The following CAND1 variants were observed in gnomAD, a reference collection of about 807,000 sequenced individuals.
CAND1 encodes cullin associated and neddylation dissociated 1, also known as cullin-associated NEDD8-dissociated protein 1.
A neutral mutation model predicts 108.5 loss-of-function variants in CAND1; 7 were observed. The observed-to-expected ratio is 0.06, with a 90% CI of 0.04 to 0.12. The LOEUF (loss-of-function observed/expected upper bound fraction) is 0.12. Among genes scored for constraint, CAND1 ranks in the 10% least tolerant of loss-of-function variants. CAND1 has a pLI of 1.00. For missense variants in CAND1, 941 were observed against 1,448.7 expected, an observed-to-expected ratio of 0.65 and a Z score of 5.69; for synonymous variants, 534 against 512.0, an observed-to-expected ratio of 1.04 and a Z score of -0.58.
chr12:67,269,931 C>T lies in CAND1; in HGVS notation c.68+146C>T, dbSNP rs569160616. 4.9e-6 allele frequency: 3 copies of T among 615,350 alleles called. No individual in the cohort carries two copies. In the East Asian group the frequency reaches 9.9e-5, roughly 20 times the overall value. The allele number at this position is 615,350 out of a possible 1,614,324, so 38.1% of individuals were successfully genotyped here. A position where few individuals can be genotyped will look rare whatever the true frequency, so the allele number is the denominator to read the frequency against. ...CCAGCCCACCGGTCCGCTGGCCTCC[C>T]GATCCCTGCGGAGCCCCTTTCCTCT... On this transcript the variant is annotated intron_variant, in intron 1 of 14. Transcript: ENST00000545606.
intron 4 of CAND1, among the ~76,000 whole-genome samples, chr12:67,295,620 G>C (rs575783800): frequency 3.3e-4 from 51 of 152,252 alleles, no homozygotes; most frequent in African/African-American, 1.2e-3. Flanking sequence ...GAAGTCAGAT[G>C]TTAGAACATA....
chr12:67,312,482 G>T, intron 14 of CAND1, 124 bp from the exon 15 acceptor site: 1 of 518,070 alleles, frequency 1.9e-6, no homozygotes, highest in Admixed American at 3.7e-5. Flanking sequence ...GTTGTTCTTA[G>T]AATGTAATAT....
intron 3 of CAND1, 87 bp from the exon 4 acceptor site, chr12:67,294,946 T>C: frequency 7.3e-7 from 1 of 1,378,538 alleles, no homozygotes; most frequent in Non-Finnish European, 9.9e-7. Flanking sequence ...AAGTGTGGAG[T>C]TGTTAAATAT....
rs1392295045 is a variant in CAND1 at position 67,312,591 on chromosome 12, T to C, written c.3469-15T>C. ...TCTTTTATAGCATGTAATCTAAGTT[T>C]ACTCCATCTTACAGGTAAAGGCAAA... On this transcript the variant is annotated splice_polypyrimidine_tract_variant and intron_variant, in intron 14 of 14. Coordinates refer to ENST00000545606, the MANE Select transcript of CAND1 (RefSeq NM_018448.5). The C allele has an allele frequency of 2.6e-6, 4 of 1,549,360 alleles. No individual in the cohort carries two copies. The highest frequency in any genetic ancestry group is 3.5e-6 in the Non-Finnish European group (4 of 1,139,428).
intron 1 of CAND1, among the ~76,000 whole-genome samples, chr12:67,280,093 TAGG>T (rs1278892976): frequency 2.0e-5 from 3 of 152,222 alleles, no homozygotes; most frequent in Admixed American, 6.5e-5. Flanking sequence ...GGCTTCCAAT[TAGG>T]AGAGCTGTGT....
chr12:67,283,785 G>A (rs2044642458), intron 2 of CAND1, among the ~76,000 whole-genome samples: 1 of 152,024 alleles, frequency 6.6e-6, no homozygotes, highest in Non-Finnish European at 1.5e-5. Flanking sequence ...GAGTTGGGAG[G>A]TACGTACTTC....
At chr12:67,287,688 C>T (rs1180643957) in intron 2 of CAND1, among the ~76,000 whole-genome samples, 2 of 151,756 alleles carry the variant, frequency 1.3e-5, no homozygotes, top group Admixed American at 6.6e-5. Context: ...TTAATTTTGT[C>T]TGTTGTCTGT....
At chr12:67,311,941 GAT>G in intron 14 of CAND1, 141 bp downstream of exon 14, 1 of 556,230 alleles carries the variant, frequency 1.8e-6, no homozygotes, top group Non-Finnish European at 3.3e-6. Flanking sequence ...ATCGAATACT[GAT>G]ATTTTATAAA....
At chr12:67,277,343 G>T (rs1297383885) in intron 1 of CAND1, among the ~76,000 whole-genome samples, 3 of 152,122 alleles carry the variant, frequency 2.0e-5, no homozygotes, top group Non-Finnish European at 4.4e-5. Flanking sequence ...CTCGTTTTAT[G>T]AGTGTTTCTT....
chr12:67,305,824 T>G lies in CAND1; in HGVS notation c.2156T>G (p.Leu719Trp). The G allele has an allele frequency of 1.2e-6, 2 of 1,614,208 alleles. No individual in the cohort carries two copies. Among genetic ancestry groups the G allele is most frequent in the Non-Finnish European group, 1.7e-6 (2 of 1,180,028 alleles). ...SQMAISFLTT[L>W]AKVYPSSLSK... ...ATGGCCATCAGTTTTCTTACCACTTTGGCAAAAGTATATCCCTCCTCCCTT... is the reference window on the plus strand; with the variant it reads ...ATGGCCATCAGTTTTCTTACCACTTGGGCAAAAGTATATCCCTCCTCCCTT... Residue 719 changes from leucine to tryptophan, a missense_variant, in exon 10 of 15, where the codon TTG becomes TGG. This residue lies in a region of CAND1 where 697 missense variants were observed against 942.0 expected (regional missense o/e 0.74). Transcript: ENST00000545606. The surrounding 1 kb of genome is among the most constrained non-coding windows in gnomAD (Gnocchi z 4.4).
Position 67,319,084 on chromosome 12 carries a change from C to T in CAND1, c.*6254C>T, listed in dbSNP as rs1189884339. On this transcript the variant is annotated 3_prime_UTR_variant, in exon 15 of 15. Transcript: ENST00000545606. ...CGTTCCCAGGTTCTAATGCTGTTCC[C>T]CAAGGCCACACCTTGGAAACCACCA... is the stretch of plus-strand genomic sequence containing the variant. The T allele has an allele frequency of 6.6e-6, 1 of 152,146 alleles. No homozygotes were observed. Among genetic ancestry groups the T allele is most frequent in the Non-Finnish European group, 1.5e-5 (1 of 68,050 alleles). 9.4% of individuals were successfully genotyped at this position (152,146 alleles called of 1,614,324 possible).
chr12:67,302,651 G>T (rs777553333), intron 8 of CAND1, 36 bp downstream of exon 8: 1 of 1,554,672 alleles, frequency 6.4e-7, no homozygotes, highest in East Asian at 2.3e-5. Context: ...AATCATGATA[G>T]TAAATGCAAT....
rs746587098 is a variant in CAND1 at position 67,305,954 on chromosome 12, G to C, written c.2286G>C (p.Leu762=). 4.3e-6 allele frequency: 7 copies of C among 1,614,052 alleles called. No individual in the cohort carries two copies. The highest frequency in any genetic ancestry group is 5.9e-6 in the Non-Finnish European group (7 of 1,180,024). Residue 762 remains leucine (L), a synonymous_variant, in exon 10 of 15, where the codon CTG becomes CTC. Coordinates refer to ENST00000545606, the MANE Select transcript of CAND1 (RefSeq NM_018448.5). This position sits in a 1 kb window ranked among gnomAD's most constrained non-coding sequence, Gnocchi z 4.4. The part of the protein sequence containing the change: ...LSAMLDFFQA[L]VVTGTNNLGY... ...CCATGCTAGACTTTTTCCAAGCTCT[G>C]GTTGTCACTGGAACAAATAATTTAG...
chr12:67,310,378 A>G, intron 13 of CAND1, 62 bp downstream of exon 13: 1 of 1,217,154 alleles, frequency 8.2e-7, no homozygotes, highest in East Asian at 2.4e-5. Flanking sequence ...AGCAACTTTC[A>G]CCCTTGTAAT....
intron 11 of CAND1, among the ~76,000 whole-genome samples, chr12:67,308,232 A>G (rs1188867455): frequency 2.6e-5 from 4 of 152,088 alleles, no homozygotes; most frequent in Admixed American, 1.3e-4. Context: ...GCTTTGTGCC[A>G]TTCTTCAGTG....
intron 1 of CAND1, 134 bp from the exon 2 acceptor site, chr12:67,281,776 T>A (rs901555369): frequency 1.2e-4 from 72 of 576,642 alleles, no homozygotes; most frequent in African/African-American, 9.2e-4. Flanking sequence ...TCACTTTTTT[T>A]AAAAAGTGGA....
intron 1 of CAND1, among the ~76,000 whole-genome samples, chr12:67,278,710 G>C (rs920529370): frequency 6.6e-6 from 1 of 151,530 alleles, no homozygotes; most frequent in Non-Finnish European, 1.5e-5. Flanking sequence ...GTAGAGACAG[G>C]GTTTCACCAT....
chr12:67,304,619 T>C lies in CAND1; in HGVS notation c.1308T>C (p.Val436=), dbSNP rs971288417. ...GATAATTGCAGGTTCCCAACATTGT[T>C]AAAGCTCTTCACAAACAGATGAAAG... ...TMLQSQVPNI[V]KALHKQMKEK... The change falls in exon 9 of 15, where the codon GTT becomes GTC. Residue 436 remains valine (V), a synonymous_variant. Transcript: ENST00000545606. 2 of 1,613,620 alleles carry C rather than the reference T, an allele frequency of 1.2e-6. No homozygotes were observed. Among genetic ancestry groups the C allele is most frequent in the Admixed American group, 3.3e-5 (2 of 59,904 alleles).
At chr12:67,298,046 C>T (rs1332932841) in intron 6 of CAND1, among the ~76,000 whole-genome samples, 193 bp downstream of exon 6, 1 of 152,024 alleles carries the variant, frequency 6.6e-6, no homozygotes, top group African/African-American at 2.4e-5. Context: ...TTTTCCTTGT[C>T]ATTGTTAGGA....
Sources: allele counts gnomAD v4.1 joint callset (sites outside exome capture counted in the v4.1 genomes callset), GRCh38; gene constraint gnomAD v4.1.1; regional missense constraint gnomAD v4.1.1; non-coding constraint Gnocchi (gnomAD v3.1); transcripts MANE v1.5; gene names NCBI Gene and HGNC (gene_info 2026-07-23, HGNC 2026-07-21).